MYO15B: variants seen among roughly 807,000 people sequenced by gnomAD.
MYO15B encodes the protein myosin XVB.
Under a neutral mutation model 119.3 loss-of-function variants are expected in MYO15B, and 207 were observed. The ratio of observed to expected loss-of-function variants is 1.73; its 90% confidence interval spans 1.55 to 1.95. The LOEUF (loss-of-function observed/expected upper bound fraction) is 1.95. MYO15B is among the 30% of genes most tolerant of loss of function. The probability of loss-of-function intolerance (pLI) is 0.00; values close to 1 mark genes in which losing one functional copy is unlikely to be tolerated. For missense variants in MYO15B, 2,264 were observed against 1,203.1 expected, an observed-to-expected ratio of 1.88 and a Z score of -13.04; for synonymous variants, 966 against 498.9, an observed-to-expected ratio of 1.94 and a Z score of -12.48.
intron 31 of MYO15B, 34 bp from the exon 32 acceptor site, chr17:75,614,739 G>C: frequency 1.4e-6 from 1 of 702,740 alleles, no homozygotes; most frequent in African/African-American, 1.7e-5. Context: ...CCCACGCCCC[G>C]GGCCATGGCT....
chr17:75,610,956 C>G (rs2057987570), exon 23 of MYO15B: 1 of 702,900 alleles, frequency 1.4e-6, no homozygotes, highest in Admixed American at 2.0e-5. Context: ...GAGTGCCAAG[C>G]ATGGTAGGTG....
At chr17:75,587,830 C>T (rs1269945069) in exon 1 of MYO15B, among the ~76,000 whole-genome samples, 1 of 152,266 alleles carries the variant, frequency 6.6e-6, no homozygotes, top group Non-Finnish European at 1.5e-5. Context: ...TGTAGCGTCT[C>T]CTGTTTCCTG....
intron 14 of MYO15B, 50 bp from the exon 15 acceptor site, chr17:75,601,388 A>G: frequency 1.4e-6 from 1 of 696,470 alleles, no homozygotes; most frequent in Non-Finnish European, 2.6e-6. Context: ...CGCCATCCAG[A>G]AGGACAGCCT....
chr17:75,611,096 CG>C (rs2058000372), intron 23 of MYO15B, 137 bp downstream of exon 23: 5 of 661,910 alleles, frequency 7.6e-6, no homozygotes, highest in Admixed American at 2.1e-5. Flanking sequence ...AGAAGAGGAC[CG>C]GGGTGCTCTT....
At chr17:75,621,306 G>A (rs2058693473) in intron 50 of MYO15B, 39 bp from the exon 51 acceptor site, 2 of 684,100 alleles carry the variant, frequency 2.9e-6, no homozygotes, top group East Asian at 2.7e-5. Context: ...AAGGCAGGAG[G>A]GCCAAACAAG....
chr17:75,611,418 A>T (rs1311923553), intron 23 of MYO15B, among the ~76,000 whole-genome samples, 183 bp from the exon 24 acceptor site: 3 of 148,536 alleles, frequency 2.0e-5, no homozygotes, highest in Non-Finnish European at 4.4e-5. Flanking sequence ...GCAGTGAGCC[A>T]TGATGGTACC....
chr17:75,607,912 G>A (rs1171835024), intron 21 of MYO15B, among the ~76,000 whole-genome samples: 1 of 152,140 alleles, frequency 6.6e-6, no homozygotes, highest in Non-Finnish European at 1.5e-5. Flanking sequence ...TACCAGCAAT[G>A]TACAAGGGTT....
Position 75,609,710 on chromosome 17 carries a change from C to T in MYO15B, c.4293-456C>T, listed in dbSNP as rs566916899. Among the ~76,000 whole-genome samples, 4 of 142,088 alleles carry T rather than the reference C, an allele frequency of 2.8e-5. No homozygotes were observed. In the East Asian group the frequency reaches 9.4e-4, roughly 33 times the overall value. The allele number at this position is 142,088 out of a possible 152,430, so 93.2% of individuals were successfully genotyped here. ...TTCCTTCCTTCCTCCCTCCCTCCCTCCCTCCCTCCCTTCCTGATGGAGTCT... is the reference window on the plus strand; with the variant it reads ...TTCCTTCCTTCCTCCCTCCCTCCCTTCCTCCCTCCCTTCCTGATGGAGTCT... On this transcript the variant is annotated intron_variant, in intron 21 of 63. Coordinates refer to ENST00000645453, the Ensembl canonical transcript of MYO15B.
At chr17:75,612,620 G>A (rs1205074864) in intron 25 of MYO15B, among the ~76,000 whole-genome samples, 178 bp from the exon 26 acceptor site, 1 of 151,430 alleles carries the variant, frequency 6.6e-6, no homozygotes, top group Non-Finnish European at 1.5e-5. Context: ...AGCTGAGATT[G>A]TGCCACTGCA....
chr17:75,591,579 C>T (rs1213486911), intron 4 of MYO15B, 22 bp from the exon 5 acceptor site: 1 of 702,782 alleles, frequency 1.4e-6, no homozygotes, highest in South Asian at 1.5e-5. Context: ...CCTGGAGACC[C>T]TACCAACCAA....
chr17:75,619,047 C>T (rs1305786913), intron 43 of MYO15B, 96 bp from the exon 44 acceptor site: 8 of 684,856 alleles, frequency 1.2e-5, no homozygotes, highest in Admixed American at 4.1e-5. Context: ...CGCCCTCCAT[C>T]GGCCTCCTCA....
chr17:75,588,069 C>T (rs1308929167), exon 1 of MYO15B: 3 of 398,232 alleles, frequency 7.5e-6, no homozygotes, highest in Non-Finnish European at 1.3e-5. Flanking sequence ...TGGGCAGGAA[C>T]CAGCGCAAAG....
rs117940210 is a variant in MYO15B at position 75,589,275 on chromosome 17, G to A, written c.1218G>A (p.Trp406Ter). 33,883 of 398,088 alleles carry A rather than the reference G, an allele frequency of 0.085. 1,587 individuals carry two copies. The highest frequency in any genetic ancestry group is 0.15 in the Middle Eastern group (241 of 1,586). The allele number at this position is 398,088 out of a possible 1,614,324, so 24.7% of individuals were successfully genotyped here. The change falls in exon 1 of 64, where the codon TGG (tryptophan) becomes TGA (stop). Residue 406 changes from tryptophan to a stop codon, truncating the protein, a stop_gained. Transcript: ENST00000645453. LOFTEE classifies it high-confidence loss of function. The surrounding 1 kb of genome is among the most constrained non-coding windows in gnomAD (Gnocchi z 4.2). ...CCGGGCCACGGGCGAGCGAGGGGTGGGGCCGCCGGAAACCGGACGAGGGGC... is the reference window on the plus strand; with the variant it reads ...CCGGGCCACGGGCGAGCGAGGGGTGAGGCCGCCGGAAACCGGACGAGGGGC...
At chr17:75,626,621 C>T in exon 64 of MYO15B, 1 of 637,018 alleles carries the variant, frequency 1.6e-6, no homozygotes, top group African/African-American at 1.8e-5. Context: ...ACATGCAGGC[C>T]ATGAGGCAGG....
At chr17:75,599,820 G>A (rs796693246) in intron 14 of MYO15B, among the ~76,000 whole-genome samples, 14 of 150,346 alleles carry the variant, frequency 9.3e-5, no homozygotes, top group South Asian at 4.2e-4. Flanking sequence ...GCATGAACCC[G>A]GGAGGTGGAG....
chr17:75,594,451 C>T, intron 9 of MYO15B, 24 bp from the exon 10 acceptor site: 1 of 593,798 alleles, frequency 1.7e-6, no homozygotes, highest in Non-Finnish European at 3.0e-6. Flanking sequence ...GCAGAGATCT[C>T]CCTGTCCCTC....
rs1256306430 is a variant in MYO15B, at chr17:75,591,251, G to A, written c.2435+5G>A. The A allele has an allele frequency of 1.4e-6, 1 of 702,864 alleles. No individual in the cohort carries two copies. The highest frequency in any genetic ancestry group is 2.6e-6 in the Non-Finnish European group (1 of 384,894). The allele number at this position is 702,864 out of a possible 1,614,324, so 43.5% of individuals were successfully genotyped here. ...GGACCCATGCATCCTCCTGTGGTGA[G>A]TGGTGGCCTTCCTGGGTGGCTGAAC... On this transcript the variant is annotated splice_donor_5th_base_variant and intron_variant, in intron 4 of 63. Transcript: ENST00000645453.
chr17:75,625,603 C>G (rs1458062914), exon 61 of MYO15B: 1 of 703,036 alleles, frequency 1.4e-6, no homozygotes, highest in Non-Finnish European at 2.6e-6. Flanking sequence ...CCTGATGGGT[C>G]AGGAGCTGAG....
chr17:75,613,426 G>A (rs1008116357), exon 28 of MYO15B: 18 of 678,938 alleles, frequency 2.7e-5, no homozygotes, highest in East Asian at 8.1e-5. Flanking sequence ...GTGGCTGGCC[G>A]GATGGCGGCG....
Sources: allele counts gnomAD v4.1 joint callset (sites outside exome capture counted in the v4.1 genomes callset), GRCh38; gene constraint gnomAD v4.1.1; non-coding constraint Gnocchi (gnomAD v3.1); transcripts MANE v1.5; gene names NCBI Gene and HGNC (gene_info 2026-07-23, HGNC 2026-07-21).